The following RGS6 variants were observed in gnomAD, a reference collection of about 807,000 sequenced individuals.
RGS6 encodes the protein regulator of G-protein signaling 6.
A neutral mutation model predicts 78.5 loss-of-function variants in RGS6; 30 were observed. The observed-to-expected ratio is 0.38, with a 90% CI of 0.29 to 0.52. The LOEUF (loss-of-function observed/expected upper bound fraction) is 0.52. Ranked by LOEUF, RGS6 falls within the 20% of genes least tolerant of loss-of-function variation. The probability of loss-of-function intolerance (pLI) is 0.85; values close to 1 mark genes in which losing one functional copy is unlikely to be tolerated. For missense variants in RGS6, 495 were observed against 609.7 expected (o/e 0.81, Z 1.98); for synonymous variants, 206 against 206.0 (o/e 1.00, Z 0.00).
intron 3 of RGS6, among the ~76,000 whole-genome samples, chr14:72,412,709 C>T (rs894474952): frequency 6.6e-6 from 1 of 152,158 alleles, no homozygotes; most frequent in African/African-American, 2.4e-5. Context: ...GCATTTAGTG[C>T]TATAAATTTC....
chr14:72,268,269 A>C (rs936581798), intron 2 of RGS6, among the ~76,000 whole-genome samples: 8 of 152,172 alleles, frequency 5.3e-5, no homozygotes, highest in African/African-American at 1.9e-4. Context: ...AACAAGCTGC[A>C]GTCTGAATGT....
the RGS6 span, among the ~76,000 whole-genome samples, chr14:71,913,743 A>G: frequency 6.6e-6 from 1 of 152,264 alleles, no homozygotes; most frequent in Non-Finnish European, 1.5e-5. Flanking sequence ...CTCTTTGGTC[A>G]TCTGAGGATC....
At chr14:72,541,016 T>G (rs2097318735) in intron 17 of RGS6, 1 of 1,297,442 alleles carries the variant, frequency 7.7e-7, no homozygotes, top group Non-Finnish European at 1.0e-6. Flanking sequence ...GCCCAAGATT[T>G]GAACATTGAG....
intron 15 of RGS6, among the ~76,000 whole-genome samples, chr14:72,527,052 C>T (rs187314188): frequency 1.3e-5 from 2 of 152,346 alleles, no homozygotes; most frequent in African/African-American, 4.8e-5. Flanking sequence ...AGGTTGGGAC[C>T]TTGTTTCCAA....
intron 7 of RGS6, among the ~76,000 whole-genome samples, chr14:72,468,142 T>TC (rs1375725429): frequency 2.0e-5 from 3 of 152,116 alleles, no homozygotes; most frequent in African/African-American, 7.2e-5. Context: ...ATGCCTGTAA[T>TC]CCCCAAGGTG....
chr14:72,289,085 G>A (rs1047662983), intron 2 of RGS6, among the ~76,000 whole-genome samples: 1 of 152,188 alleles, frequency 6.6e-6, no homozygotes, highest in African/African-American at 2.4e-5. Context: ...GGATGATATA[G>A]TTTCTGATAA....
chr14:72,312,500 T>G (rs1672212337), intron 2 of RGS6, among the ~76,000 whole-genome samples: 1 of 152,194 alleles, frequency 6.6e-6, no homozygotes, highest in African/African-American at 2.4e-5. Flanking sequence ...GGTTTTAGCT[T>G]TGCCACTAAT....
At chr14:72,185,897 A>G (rs922481995) in intron 2 of RGS6, among the ~76,000 whole-genome samples, 4 of 152,258 alleles carry the variant, frequency 2.6e-5, no homozygotes, top group Non-Finnish European at 4.4e-5. Context: ...AGCTCAGGCC[A>G]CTGTACTTGA....
In RGS6 at chr14:72,510,173, C is replaced by T. The variant is rs749020666; in HGVS notation, c.985C>T (p.Arg329Ter). Residue 329 changes from arginine (R) to a stop codon, truncating the protein, a stop_gained, in exon 14 of 18, where the codon CGA becomes TGA. Transcript: ENST00000553525. LOFTEE classifies it high-confidence loss of function. Reference sequence around the variant, plus strand: ...CCAAAGCAAAGAGCCCAGCCAACAGCGAGTAAAAAGATGGGGCTTCTCTTT... The same window carrying T: ...CCAAAGCAAAGAGCCCAGCCAACAGTGAGTAAAAAGATGGGGCTTCTCTTT... ...IEMSKEPSQQ[R>*]VKRWGFSFDE... 2 of 1,610,708 alleles carry T rather than the reference C, an allele frequency of 1.2e-6. No homozygotes were observed. Among genetic ancestry groups the T allele is most frequent in the Non-Finnish European group, 1.7e-6 (2 of 1,178,868 alleles).
At chr14:72,605,557 A>C in the RGS6 span, among the ~76,000 whole-genome samples, 555 of 152,360 alleles carry the variant, frequency 3.6e-3, 2 homozygotes, top group Non-Finnish European at 6.0e-3. Flanking sequence ...ATGGTTCAAA[A>C]CACGGGCTGA....
At chr14:72,402,671 G>C (rs1009250866) in intron 3 of RGS6, among the ~76,000 whole-genome samples, 2 of 152,014 alleles carry the variant, frequency 1.3e-5, no homozygotes, top group African/African-American at 4.8e-5. Flanking sequence ...AGTTAGTACA[G>C]CCACTATGGA....
chr14:72,500,822 C>T (rs1266343111), intron 13 of RGS6, among the ~76,000 whole-genome samples: 1 of 152,196 alleles, frequency 6.6e-6, no homozygotes, highest in Non-Finnish European at 1.5e-5. Context: ...CAGAGGCCAA[C>T]AAAAACTAAG....
intron 2 of RGS6, among the ~76,000 whole-genome samples, chr14:72,136,312 A>G (rs1218663005): frequency 6.6e-6 from 1 of 152,172 alleles, no homozygotes; most frequent in Non-Finnish European, 1.5e-5. Flanking sequence ...CATAGAGCGA[A>G]TATGTGGTTT....
At chr14:72,069,963 A>G (rs892891450) in intron 2 of RGS6, among the ~76,000 whole-genome samples, 1 of 152,174 alleles carries the variant, frequency 6.6e-6, no homozygotes, top group East Asian at 1.9e-4. Context: ...ACCTTCTTCA[A>G]CTTGGATTCT....
intron 2 of RGS6, among the ~76,000 whole-genome samples, chr14:72,322,694 A>G (rs1167573925): frequency 2.0e-5 from 3 of 152,122 alleles, no homozygotes; most frequent in Non-Finnish European, 2.9e-5. Context: ...AGAATTTGCT[A>G]TGTTCAAATG....
intron 14 of RGS6, chr14:72,514,051 T>G (rs2096910979): frequency 6.6e-6 from 1 of 152,192 alleles, no homozygotes; most frequent in Non-Finnish European, 1.5e-5. Context: ...AAACCCATGA[T>G]TAATAGGAAC....
intron 2 of RGS6, among the ~76,000 whole-genome samples, chr14:72,018,671 C>T (rs2087638771): frequency 1.3e-5 from 2 of 152,196 alleles, no homozygotes; most frequent in South Asian, 4.1e-4. Flanking sequence ...TCACTCAGGG[C>T]AGCAGCCTTC....
the RGS6 span, among the ~76,000 whole-genome samples, chr14:71,921,580 C>G: frequency 2.0e-5 from 3 of 152,180 alleles, no homozygotes; most frequent in Non-Finnish European, 4.4e-5. Context: ...ATGACCCTGG[C>G]AGACATTATA....
chr14:72,056,191 G>A (rs2093609913), intron 2 of RGS6, among the ~76,000 whole-genome samples: 1 of 152,160 alleles, frequency 6.6e-6, no homozygotes, highest in Non-Finnish European at 1.5e-5. Context: ...TACAGATGGG[G>A]GGATGTGAAG....
Sources: allele counts gnomAD v4.1 joint callset (sites outside exome capture counted in the v4.1 genomes callset), GRCh38; gene constraint gnomAD v4.1.1; transcripts MANE v1.5; gene names NCBI Gene and HGNC (gene_info 2026-07-23, HGNC 2026-07-21).